Variants in CSNK2A2IP observed in about 807,000 individuals in gnomAD.
CSNK2A2IP encodes casein kinase 2 subunit alpha' interacting protein, also known as casein kinase II subunit alpha'-interacting protein.
At chr3:88,433,153 AGCTGTTTTC>A in the CSNK2A2IP span, among the ~76,000 whole-genome samples, 301 of 152,240 alleles carry the variant, frequency 2.0e-3, no homozygotes, top group African/African-American at 7.0e-3. Flanking sequence ...GATAAAAGAT[AGCTGTTTTC>A]TTTTATAAAT....
At chr3:88,381,453 A>C in the CSNK2A2IP span, among the ~76,000 whole-genome samples, 1 of 152,190 alleles carries the variant, frequency 6.6e-6, no homozygotes, top group Non-Finnish European at 1.5e-5. Context: ...TTTAGATTGA[A>C]TATAAGGTAC....
chr3:88,423,138 C>T, the CSNK2A2IP span, among the ~76,000 whole-genome samples: 1 of 152,142 alleles, frequency 6.6e-6, no homozygotes, highest in African/African-American at 2.4e-5. Flanking sequence ...GATTTCTATT[C>T]TTCTGACATC....
At chr3:88,381,553 G>A in the CSNK2A2IP span, among the ~76,000 whole-genome samples, 1 of 152,194 alleles carries the variant, frequency 6.6e-6, no homozygotes. Flanking sequence ...GGCATTCATG[G>A]CCTAGCCTTG....
the CSNK2A2IP span, among the ~76,000 whole-genome samples, chr3:88,349,637 G>A: frequency 6.6e-6 from 1 of 151,552 alleles, no homozygotes; most frequent in African/African-American, 2.4e-5. Flanking sequence ...CTTCTTTTTT[G>A]GGGGGTAGAT....
the CSNK2A2IP span, among the ~76,000 whole-genome samples, chr3:88,456,323 G>T: frequency 1.3e-4 from 19 of 151,992 alleles, no homozygotes; most frequent in Non-Finnish European, 2.2e-4. Context: ...TTCAATCCAT[G>T]AACATGAGAT....
At chr3:88,441,796 C>T in the CSNK2A2IP span, among the ~76,000 whole-genome samples, 1 of 151,940 alleles carries the variant, frequency 6.6e-6, no homozygotes, top group Non-Finnish European at 1.5e-5. Context: ...ATATTTTTAT[C>T]CAAATGCATT....
At chr3:88,350,103 GC>G in the CSNK2A2IP span, among the ~76,000 whole-genome samples, 1 of 152,002 alleles carries the variant, frequency 6.6e-6, no homozygotes, top group Admixed American at 6.6e-5. Context: ...TCTAAACACA[GC>G]CTTTTCTAGG....
chr3:88,398,233 AT>A, the CSNK2A2IP span, among the ~76,000 whole-genome samples: 4 of 152,252 alleles, frequency 2.6e-5, no homozygotes, highest in African/African-American at 9.6e-5. Context: ...TGAATGGCCC[AT>A]TGTTGAACCC....
At chr3:88,345,638 G>A in the CSNK2A2IP span, among the ~76,000 whole-genome samples, 2 of 151,832 alleles carry the variant, frequency 1.3e-5, no homozygotes, top group Non-Finnish European at 2.9e-5. Flanking sequence ...GTTTGGGGAT[G>A]CCACAAACTG....
At chr3:88,383,166 C>T in the CSNK2A2IP span, among the ~76,000 whole-genome samples, 7 of 152,022 alleles carry the variant, frequency 4.6e-5, no homozygotes, top group Non-Finnish European at 1.0e-4. Context: ...AAAAATAGGG[C>T]TCCCAAAGGC....
the CSNK2A2IP span, among the ~76,000 whole-genome samples, chr3:88,444,468 G>A: frequency 2.0e-5 from 3 of 152,108 alleles, no homozygotes; most frequent in Non-Finnish European, 4.4e-5. Context: ...TTGGTTTGTT[G>A]TCATAACAAG....
At chr3:88,447,520 C>T in the CSNK2A2IP span, among the ~76,000 whole-genome samples, 4 of 151,918 alleles carry the variant, frequency 2.6e-5, no homozygotes, top group African/African-American at 7.2e-5. Flanking sequence ...TCTTCAGAGT[C>T]TTGCTTTTAA....
At chr3:88,349,325 G>T in the CSNK2A2IP span, among the ~76,000 whole-genome samples, 2 of 151,770 alleles carry the variant, frequency 1.3e-5, no homozygotes, top group Admixed American at 6.6e-5. Flanking sequence ...CCACTATATT[G>T]CTCTGTATGT....
chr3:88,359,345 T>C, the CSNK2A2IP span, among the ~76,000 whole-genome samples: 2 of 122,620 alleles, frequency 1.6e-5, no homozygotes, highest in Non-Finnish European at 4.2e-5. Flanking sequence ...GTTTATCTTT[T>C]GTATTTTTTT....
the CSNK2A2IP span, among the ~76,000 whole-genome samples, chr3:88,365,791 T>A: frequency 2.3e-4 from 35 of 152,258 alleles, no homozygotes; most frequent in Admixed American, 1.7e-3. Flanking sequence ...TGAGTCTATA[T>A]CAAAGGGCCA....
At chr3:88,387,327 C>A in the CSNK2A2IP span, among the ~76,000 whole-genome samples, 1 of 152,042 alleles carries the variant, frequency 6.6e-6, no homozygotes, top group Non-Finnish European at 1.5e-5. Flanking sequence ...TGTGCCACCA[C>A]ACCCAGCTAA....
At chr3:88,465,882 T>C in the CSNK2A2IP span, 1 of 1,231,688 alleles carries the variant, frequency 8.1e-7, no homozygotes, top group Admixed American at 4.2e-5. Flanking sequence ...CATTGAAGTC[T>C]CATCAAAGAG....
the CSNK2A2IP span, among the ~76,000 whole-genome samples, chr3:88,363,515 C>T: frequency 2.0e-5 from 3 of 152,100 alleles, no homozygotes; most frequent in East Asian, 5.8e-4. Context: ...GGATCAGTTT[C>T]ATTTTACTGA....
chr3:88,435,893 GCACATTATGTGTGCATTATATATA>G, the CSNK2A2IP span, among the ~76,000 whole-genome samples: 1 of 16,744 alleles, frequency 6.0e-5, no homozygotes, highest in South Asian at 2.3e-3. Context: ...TATATATAAT[GCACATTATGTGTGCATTATATATA>G]TAATGCACAT....
Sources: gnomAD v4.1 joint callset for allele counts (sites outside exome capture counted in the v4.1 genomes callset) on GRCh38, gnomAD v4.1.1 for gene constraint, MANE v1.5 for transcripts, NCBI Gene and HGNC (gene_info 2026-07-23, HGNC 2026-07-21) for gene names.